WASHC3: variants seen among roughly 807,000 people sequenced by gnomAD.
WASHC3 encodes the protein WASH complex subunit 3, also known as WASH complex subunit CCDC53.
A neutral mutation model predicts 26.1 loss-of-function variants in WASHC3; 24 were observed. The ratio of observed to expected loss-of-function variants is 0.92; its 90% CI spans 0.66 to 1.29. The LOEUF (loss-of-function observed/expected upper bound fraction) is 1.29. Ranked by LOEUF, WASHC3 falls within the 50% of genes most tolerant of loss-of-function variation. The probability of loss-of-function intolerance (pLI) is 0.00; values close to 1 mark genes in which losing one functional copy is unlikely to be tolerated. For missense variants in WASHC3, 214 were observed against 229.6 expected, an observed-to-expected ratio of 0.93 and a Z score of 0.44; for synonymous variants, 77 against 75.7, an observed-to-expected ratio of 1.02 and a Z score of -0.09.
intron 2 of WASHC3, among the ~76,000 whole-genome samples, chr12:102,058,840 T>C (rs1251035229): frequency 6.6e-6 from 1 of 152,138 alleles, no homozygotes; most frequent in African/African-American, 2.4e-5. Flanking sequence ...AAAAGTGGTA[T>C]ATATACACAA....
intron 2 of WASHC3, among the ~76,000 whole-genome samples, chr12:102,047,991 C>G (rs749044953): frequency 6.6e-6 from 1 of 152,186 alleles, no homozygotes; most frequent in African/African-American, 2.4e-5. Context: ...AGAGGCAATA[C>G]ACTTCACGAG....
rs140936183 is a variant in WASHC3, at chr12:102,017,091, T to C, written c.501-3899A>G. ...TGGTAACTGCCCTATGCAGGTACCATTTTTCACTTTTTATACAGCATTTTT... is the reference window on the plus strand; with the variant it reads ...TGGTAACTGCCCTATGCAGGTACCACTTTTCACTTTTTATACAGCATTTTT... On this transcript the variant is annotated intron_variant, in intron 6 of 6. Coordinates refer to ENST00000240079, the MANE Select transcript of WASHC3 (RefSeq NM_016053.4). Among the ~76,000 whole-genome samples the C allele has an allele frequency of 7.2e-5, 11 of 152,314 alleles. 1 individual carries two copies. In the East Asian group the frequency reaches 1.5e-3, roughly 21 times the overall value.
In WASHC3 at chr12:102,051,180, T is replaced by C. The variant is rs193102155; in HGVS notation, c.151-5061A>G. Among the ~76,000 whole-genome samples the C allele has an allele frequency of 4.0e-3, 615 of 152,344 alleles. 2 individuals are homozygous for C. The highest frequency in any genetic ancestry group is 0.024 in the Middle Eastern group (7 of 294). On this transcript the variant is annotated intron_variant, in intron 2 of 6. Coordinates refer to ENST00000240079, the MANE Select transcript of WASHC3 (RefSeq NM_016053.4). The stretch of plus-strand genomic sequence containing the variant: ...AGGGTTTATCTGTGACTGAAGTTGT[T>C]TAAGGTTGGGTTTGGTTCAAACCAG...
In WASHC3 at chr12:102,061,492, A is replaced by C. The variant is rs149147680; in HGVS notation, c.52-146T>G. 5.8e-4 allele frequency: 375 copies of C among 650,072 alleles called. 2 individuals are homozygous for C. The highest frequency in any genetic ancestry group is 5.8e-3 in the African/African-American group (320 of 55,568). 40.3% of individuals were successfully genotyped at this position (650,072 alleles called of 1,614,324 possible). On this transcript the variant is annotated intron_variant, in intron 1 of 6. Coordinates refer to ENST00000240079, the MANE Select transcript of WASHC3 (RefSeq NM_016053.4). ...GGAATAGTCATTAACTTGTTTCCTA[A>C]GCTGTGGGTGGGGTGTCCGAAGATG...
intron 5 of WASHC3, among the ~76,000 whole-genome samples, chr12:102,026,962 G>A (rs1476824466): frequency 6.6e-6 from 1 of 152,090 alleles, no homozygotes; most frequent in Non-Finnish European, 1.5e-5. Flanking sequence ...ATACACTCAG[G>A]AAAAAGCCCA....
chr12:102,053,421 T>C (rs1016018866), intron 2 of WASHC3, among the ~76,000 whole-genome samples: 5 of 152,198 alleles, frequency 3.3e-5, no homozygotes, highest in African/African-American at 7.2e-5. Flanking sequence ...CCACAACAGA[T>C]GGCCTGTCTA....
intron 6 of WASHC3, among the ~76,000 whole-genome samples, chr12:102,019,822 T>C (rs956061530): frequency 6.6e-6 from 1 of 152,176 alleles, no homozygotes; most frequent in Admixed American, 6.5e-5. Context: ...CAACTAAAAA[T>C]GAGCCAAAAT....
At chr12:102,030,704 G>C (rs954000034) in intron 5 of WASHC3, among the ~76,000 whole-genome samples, 2 of 152,112 alleles carry the variant, frequency 1.3e-5, no homozygotes, top group African/African-American at 4.8e-5. Flanking sequence ...TCAGCTATAT[G>C]ATTATGACAA....
intron 2 of WASHC3, among the ~76,000 whole-genome samples, chr12:102,046,485 GT>G (rs1215078442): frequency 6.6e-6 from 1 of 152,162 alleles, no homozygotes; most frequent in Non-Finnish European, 1.5e-5. Flanking sequence ...AGTAGAGATA[GT>G]GTTTCACCAT....
intron 5 of WASHC3, among the ~76,000 whole-genome samples, chr12:102,035,174 T>C (rs1160113018): frequency 3.3e-5 from 5 of 152,158 alleles, no homozygotes; most frequent in African/African-American, 1.2e-4. Flanking sequence ...CTACAGGTAC[T>C]AGCAGCTTAA....
At chr12:102,013,280 T>A in intron 6 of WASHC3, 88 bp from the exon 7 acceptor site, 1 of 676,426 alleles carries the variant, frequency 1.5e-6, no homozygotes, top group Non-Finnish European at 2.6e-6. Context: ...TCTTAGAATA[T>A]TGCTGCTAAT....
intron 6 of WASHC3, among the ~76,000 whole-genome samples, chr12:102,016,369 T>C (rs183048016): frequency 6.6e-6 from 1 of 151,588 alleles, no homozygotes; most frequent in East Asian, 1.9e-4. Flanking sequence ...CATGCCCAGC[T>C]AATTTTTGTA....
In WASHC3 at chr12:102,048,865, G is replaced by A. The variant is rs78731859; in HGVS notation, c.151-2746C>T. ...ATTTGGTTTCACTAGACTGTCAAAGGGTCCATGGCATGATTAAGAAAGAAC... is the reference window on the plus strand; with the variant it reads ...ATTTGGTTTCACTAGACTGTCAAAGAGTCCATGGCATGATTAAGAAAGAAC... On this transcript the variant is annotated intron_variant, in intron 2 of 6. Transcript: ENST00000240079. Among the ~76,000 whole-genome samples, 1,002 of 151,864 alleles carry A rather than the reference G, an allele frequency of 6.6e-3. 28 individuals carry two copies. The East Asian group carries it at 0.076, about 11-fold the overall frequency.
At chr12:102,033,989 C>A (rs922548911) in intron 5 of WASHC3, among the ~76,000 whole-genome samples, 1 of 151,936 alleles carries the variant, frequency 6.6e-6, no homozygotes, top group Non-Finnish European at 1.5e-5. Context: ...ATGTTAGTCA[C>A]CCCTAAAGTT....
chr12:102,041,845 T>C (rs543039293), intron 4 of WASHC3, among the ~76,000 whole-genome samples: 88 of 152,168 alleles, frequency 5.8e-4, no homozygotes, highest in African/African-American at 2.0e-3. Flanking sequence ...TAAATACATA[T>C]ACAATTTTTA....
intron 2 of WASHC3, among the ~76,000 whole-genome samples, chr12:102,056,995 A>C (rs189668576): frequency 4.1e-4 from 62 of 152,336 alleles, no homozygotes; most frequent in African/African-American, 1.4e-3. Flanking sequence ...ATCCCCAGTG[A>C]ACATAGAAGC....
At chr12:102,037,547 C>G (rs1001675096) in intron 5 of WASHC3, among the ~76,000 whole-genome samples, 4 of 152,122 alleles carry the variant, frequency 2.6e-5, no homozygotes, top group Non-Finnish European at 5.9e-5. Flanking sequence ...GCAGACAGAA[C>G]AGCTGAAGCA....
chr12:102,043,532 G>A (rs1257278562), intron 4 of WASHC3: 5 of 152,448 alleles, frequency 3.3e-5, no homozygotes, highest in Non-Finnish European at 7.3e-5. Context: ...GCCTCCCAAA[G>A]TGTTGGGATT....
chr12:102,031,992 T>C (rs1278418613), intron 5 of WASHC3, among the ~76,000 whole-genome samples: 3 of 152,166 alleles, frequency 2.0e-5, no homozygotes, highest in Non-Finnish European at 4.4e-5. Flanking sequence ...CAAAAAATGT[T>C]TTAAAGACTT....
Sources: gnomAD v4.1 joint callset for allele counts (sites outside exome capture counted in the v4.1 genomes callset) on GRCh38, gnomAD v4.1.1 for gene constraint, MANE v1.5 for transcripts, NCBI Gene and HGNC (gene_info 2026-07-23, HGNC 2026-07-21) for gene names.